Variants in SNX29 observed in about 807,000 individuals in gnomAD.
The protein encoded by SNX29 is sorting nexin 29.
Under a neutral mutation model 102.1 loss-of-function variants are expected in SNX29, and 78 were observed. That is an observed-to-expected ratio of 0.76 (90% CI 0.64 to 0.92). The LOEUF is 0.92. Ranked by LOEUF, SNX29 falls within the 40% of genes least tolerant of loss-of-function variation. The probability of loss-of-function intolerance (pLI) is 0.00; values close to 1 mark genes in which losing one functional copy is unlikely to be tolerated. For synonymous variants in SNX29, 580 were observed against 414.5 expected, an observed-to-expected ratio of 1.40 and a Z score of -4.85; for missense variants, 1,280 against 1,061.7, an observed-to-expected ratio of 1.21 and a Z score of -2.86.
intron 20 of SNX29, among the ~76,000 whole-genome samples, chr16:12,551,019 G>A (rs551826319): frequency 6.6e-6 from 1 of 152,162 alleles, no homozygotes; most frequent in African/African-American, 2.4e-5. Flanking sequence ...CTGGCCGAGT[G>A]ATGGGCTTCT....
chr16:12,487,276 G>GA (rs1171332242), intron 19 of SNX29, among the ~76,000 whole-genome samples: 4 of 152,312 alleles, frequency 2.6e-5, no homozygotes, highest in Admixed American at 2.6e-4. Flanking sequence ...CCAGGACCCT[G>GA]AACCTGTGCA....
intron 1 of SNX29, among the ~76,000 whole-genome samples, chr16:11,985,030 C>T (rs383972): frequency 0.76 from 115,009 of 151,924 alleles, 44,553 homozygotes; most frequent in Non-Finnish European, 0.84. Context: ...TTTTCCATCC[C>T]TTAGATTATG....
At chr16:12,568,102 G>A (rs11643633) in intron 20 of SNX29, among the ~76,000 whole-genome samples, 41,901 of 151,972 alleles carry the variant, frequency 0.28, 6,151 homozygotes, top group East Asian at 0.43. Context: ...GTTTTGCTAC[G>A]CATCTTGTGT....
At chr16:12,291,434 T>G (rs993708628) in intron 15 of SNX29, among the ~76,000 whole-genome samples, 11 of 152,118 alleles carry the variant, frequency 7.2e-5, no homozygotes, top group Non-Finnish European at 1.5e-4. Context: ...CCCCCATCAT[T>G]CAGTTACCTC....
chr16:12,341,328 G>A lies in SNX29; in HGVS notation c.1783-14835G>A, dbSNP rs185853774. Among the ~76,000 whole-genome samples, 134 of 152,320 alleles carry A rather than the reference G, an allele frequency of 8.8e-4. 6 individuals are homozygous for A. The South Asian group carries it at 0.024, about 27-fold the overall frequency. On this transcript the variant is annotated intron_variant, in intron 15 of 20. Transcript: ENST00000566228. The stretch of plus-strand genomic sequence containing the variant: ...AGACCAGTTTCTTCTTGGGTAAAAG[G>A]ATATCATGATACCTACTTCCTGTGG...
intron 14 of SNX29, among the ~76,000 whole-genome samples, chr16:12,209,177 AG>A (rs1185949316): frequency 1.3e-5 from 2 of 152,174 alleles, no homozygotes; most frequent in Non-Finnish European, 2.9e-5. Flanking sequence ...CACGGGTTGC[AG>A]GGGGGTAAAG....
intron 15 of SNX29, among the ~76,000 whole-genome samples, chr16:12,344,530 A>G (rs1290104111): frequency 6.6e-6 from 1 of 152,166 alleles, no homozygotes; most frequent in Non-Finnish European, 1.5e-5. Context: ...TGTTTGTGGA[A>G]TGAATGAATA....
At chr16:12,215,056 A>C (rs953720553) in intron 14 of SNX29, among the ~76,000 whole-genome samples, 1 of 152,166 alleles carries the variant, frequency 6.6e-6, no homozygotes, top group Admixed American at 6.5e-5. Context: ...GAGTGAATGC[A>C]TGAATGAGTT....
Position 12,359,384 on chromosome 16 carries a change from C to G in SNX29, c.1899+3105C>G, listed in dbSNP as rs375191169. ...TGGGTTTAACTTGCATTTCCCTGAC[C>G]ACAGATGAGGTTGCCTATCTTTTCA... On this transcript the variant is annotated intron_variant, in intron 16 of 20. Transcript: ENST00000566228. Among the ~76,000 whole-genome samples, 4 of 152,304 alleles carry G rather than the reference C, an allele frequency of 2.6e-5. No individual in the cohort carries two copies. The South Asian group carries it at 6.2e-4, about 24-fold the overall frequency.
At chr16:12,287,519 A>G (rs1434847211) in intron 15 of SNX29, among the ~76,000 whole-genome samples, 1 of 152,216 alleles carries the variant, frequency 6.6e-6, no homozygotes, top group East Asian at 1.9e-4. Flanking sequence ...CCCAGCATCA[A>G]GTAGTGTTTG....
intron 14 of SNX29, among the ~76,000 whole-genome samples, chr16:12,206,807 T>G (rs2077055121): frequency 7.7e-6 from 1 of 130,534 alleles, no homozygotes; most frequent in Non-Finnish European, 1.7e-5. Context: ...GTAGTGGGAA[T>G]GAGGTGGTTT....
At chr16:12,548,178 C>G (rs1328880663) in intron 20 of SNX29, among the ~76,000 whole-genome samples, 2 of 152,224 alleles carry the variant, frequency 1.3e-5, no homozygotes, top group East Asian at 1.9e-4. Context: ...CATTTGCTCT[C>G]TTGCTCATCC....
At chr16:12,131,337 C>G (rs1372183085) in intron 13 of SNX29, among the ~76,000 whole-genome samples, 3 of 152,214 alleles carry the variant, frequency 2.0e-5, no homozygotes, top group Non-Finnish European at 4.4e-5. Context: ...GCAAAGTAAA[C>G]CACCCCAGAT....
chr16:12,552,662 C>T (rs992982529), intron 20 of SNX29, among the ~76,000 whole-genome samples: 2 of 152,166 alleles, frequency 1.3e-5, no homozygotes, highest in Admixed American at 6.5e-5. Flanking sequence ...ATGGGAGACC[C>T]AGGCCATGCA....
At chr16:12,555,395 C>T (rs992430037) in intron 20 of SNX29, among the ~76,000 whole-genome samples, 3 of 150,082 alleles carry the variant, frequency 2.0e-5, no homozygotes, top group African/African-American at 7.6e-5. Context: ...CCCTGCGTGT[C>T]TGCTGGGCTG....
intron 8 of SNX29, among the ~76,000 whole-genome samples, chr16:12,057,230 C>G (rs924300588): frequency 2.6e-5 from 4 of 152,214 alleles, no homozygotes; most frequent in African/African-American, 9.7e-5. Flanking sequence ...TTCTGCATCT[C>G]ACTAGCAGTT....
chr16:12,403,047 C>T (rs2084010797), intron 17 of SNX29, among the ~76,000 whole-genome samples: 1 of 152,116 alleles, frequency 6.6e-6, no homozygotes. Flanking sequence ...CTGGGCATTG[C>T]TGTGTGTGAC....
At chr16:12,351,687 C>T (rs745921606) in intron 15 of SNX29, among the ~76,000 whole-genome samples, 2 of 152,034 alleles carry the variant, frequency 1.3e-5, no homozygotes, top group Admixed American at 1.3e-4. Context: ...TTTTGGAGAT[C>T]ATCTTTCCTG....
chr16:12,005,267 A>G (rs1322544615), intron 3 of SNX29, among the ~76,000 whole-genome samples: 1 of 152,208 alleles, frequency 6.6e-6, no homozygotes, highest in Non-Finnish European at 1.5e-5. Flanking sequence ...TGGTCCACAC[A>G]GGGATCCAAG....
Sources: allele counts gnomAD v4.1 joint callset (sites outside exome capture counted in the v4.1 genomes callset), GRCh38; gene constraint gnomAD v4.1.1; transcripts MANE v1.5; gene names NCBI Gene and HGNC (gene_info 2026-07-23, HGNC 2026-07-21).